CNTNAP5: variants seen among roughly 807,000 people sequenced by gnomAD.
The protein encoded by CNTNAP5 is contactin-associated protein-like 5.
A neutral mutation model predicts 150.2 loss-of-function variants in CNTNAP5; 72 were observed. The observed-to-expected ratio is 0.48, with a 90% CI of 0.40 to 0.58. The LOEUF is 0.58. CNTNAP5 is among the 20% of genes least tolerant of loss of function. The probability of loss-of-function intolerance (pLI) is 0.00; values close to 1 mark genes in which losing one functional copy is unlikely to be tolerated. For synonymous variants in CNTNAP5, 672 were observed against 619.8 expected (o/e 1.08, Z -1.25); for missense variants, 1,636 against 1,626.2 (o/e 1.01, Z -0.10).
chr2:124,911,202 G>C (rs1363037439), intron 22 of CNTNAP5, among the ~76,000 whole-genome samples: 2 of 151,886 alleles, frequency 1.3e-5, no homozygotes, highest in African/African-American at 4.8e-5. Context: ...ATGTGGACAG[G>C]ATACCACCAT....
chr2:124,706,790 A>AG (rs1453702125), intron 13 of CNTNAP5, among the ~76,000 whole-genome samples: 130 of 31,014 alleles, frequency 4.2e-3, no homozygotes, highest in Non-Finnish European at 6.3e-3. Context: ...AAGAAGAAGA[A>AG]GAAGAAGGAG....
At chr2:124,773,947 T>TGA (rs70999215) in intron 17 of CNTNAP5, among the ~76,000 whole-genome samples, 80 of 121,116 alleles carry the variant, frequency 6.6e-4, no homozygotes, top group Middle Eastern at 8.2e-3. Context: ...TGTGTGTGTG[T>TGA]GAGAGAGAGA....
intron 21 of CNTNAP5, among the ~76,000 whole-genome samples, chr2:124,883,934 G>A (rs2602652): frequency 0.83 from 126,809 of 152,070 alleles, 54,397 homozygotes; most frequent in African/African-American, 0.92. Flanking sequence ...ATGTATGTCT[G>A]TGCTTGCAAA....
rs554158654 is a variant in CNTNAP5 at position 124,601,340 on chromosome 2, C to T, written c.1757-8461C>T. ...GCAAGAGAAAGACAAAAGACACTAACGTGAGCATTTCTCACAAAATTCTTC... is the reference window on the plus strand; with the variant it reads ...GCAAGAGAAAGACAAAAGACACTAATGTGAGCATTTCTCACAAAATTCTTC... On this transcript the variant is annotated intron_variant, in intron 11 of 23. Coordinates refer to ENST00000682447, the MANE Select transcript of CNTNAP5 (RefSeq NM_001367498.1). Among the ~76,000 whole-genome samples the T allele has an allele frequency of 1.4e-4, 21 of 152,304 alleles. No individual in the cohort carries two copies. In the South Asian group the frequency reaches 3.1e-3, roughly 23 times the overall value.
At chr2:124,079,398 C>T (rs1432790304) in intron 1 of CNTNAP5, among the ~76,000 whole-genome samples, 1 of 152,164 alleles carries the variant, frequency 6.6e-6, no homozygotes, top group Non-Finnish European at 1.5e-5. Flanking sequence ...GCTGTTTGGG[C>T]ATAGCACAGT....
intron 1 of CNTNAP5, among the ~76,000 whole-genome samples, chr2:124,154,581 G>C (rs1057411853): frequency 6.6e-6 from 1 of 152,154 alleles, no homozygotes; most frequent in African/African-American, 2.4e-5. Context: ...TGGACAAAGA[G>C]ACCTCCACTG....
intron 6 of CNTNAP5, among the ~76,000 whole-genome samples, chr2:124,453,376 T>C (rs955547339): frequency 9.2e-5 from 14 of 152,320 alleles, no homozygotes; most frequent in Admixed American, 4.6e-4. Context: ...CCAGGATGTC[T>C]GGGATTATGT....
chr2:124,506,015 G>T (rs1243264662), intron 8 of CNTNAP5, among the ~76,000 whole-genome samples: 1 of 152,124 alleles, frequency 6.6e-6, no homozygotes, highest in African/African-American at 2.4e-5. Context: ...AAGTTAAATT[G>T]TAAAGGATAT....
At chr2:124,856,072 C>T in intron 19 of CNTNAP5, among the ~76,000 whole-genome samples, 1 of 136,562 alleles carries the variant, frequency 7.3e-6, no homozygotes, top group African/African-American at 3.1e-5. Flanking sequence ...AGTAATAGTC[C>T]ATGGTGTGTG....
intron 3 of CNTNAP5, among the ~76,000 whole-genome samples, chr2:124,396,290 T>C (rs572944967): frequency 6.6e-6 from 1 of 152,318 alleles, no homozygotes; most frequent in Non-Finnish European, 1.5e-5. Flanking sequence ...GCCTGAGTGT[T>C]CCTTAACACA....
intron 19 of CNTNAP5, among the ~76,000 whole-genome samples, chr2:124,822,057 C>A (rs1682502684): frequency 6.6e-6 from 1 of 152,134 alleles, no homozygotes; most frequent in Admixed American, 6.6e-5. Flanking sequence ...CCCCTAGTCT[C>A]TGCCACATTA....
intron 4 of CNTNAP5, among the ~76,000 whole-genome samples, chr2:124,432,807 C>T (rs186797112): frequency 1.2e-3 from 179 of 152,226 alleles, no homozygotes; most frequent in Non-Finnish European, 1.4e-3. Flanking sequence ...ATTGAAAAAG[C>T]ATCATTTGGG....
intron 7 of CNTNAP5, among the ~76,000 whole-genome samples, chr2:124,476,110 C>T (rs1375094796): frequency 6.6e-6 from 1 of 151,868 alleles, no homozygotes; most frequent in Non-Finnish European, 1.5e-5. Flanking sequence ...ATCATTTTAC[C>T]AATTTAGCTG....
chr2:124,539,842 T>C (rs115684327), intron 10 of CNTNAP5, among the ~76,000 whole-genome samples: 58 of 152,288 alleles, frequency 3.8e-4, no homozygotes, highest in African/African-American at 1.3e-3. Context: ...TTTAGACAAG[T>C]GATTAATGTT....
chr2:124,492,198 G>A lies in CNTNAP5; in HGVS notation c.1063-12094G>A, dbSNP rs1694047600. ...ATCCAAAATCATTGCCTAGACCAAT[G>A]TCAAGGATATATTCATCTATATTTT... is the stretch of plus-strand genomic sequence containing the variant. On this transcript the variant is annotated intron_variant, in intron 7 of 23. Coordinates refer to ENST00000682447, the MANE Select transcript of CNTNAP5 (RefSeq NM_001367498.1). 5.9e-5 allele frequency among the ~76,000 whole-genome samples: 9 copies of A among 152,096 alleles called. No homozygotes were observed. In the South Asian group the frequency reaches 1.9e-3, roughly 31 times the overall value.
chr2:124,469,746 C>G (rs1472074132), intron 6 of CNTNAP5, among the ~76,000 whole-genome samples: 1 of 152,068 alleles, frequency 6.6e-6, no homozygotes, highest in Non-Finnish European at 1.5e-5. Context: ...CTTCCACAGG[C>G]CCCACTGTGA....
intron 19 of CNTNAP5, among the ~76,000 whole-genome samples, chr2:124,809,238 T>C (rs527388822): frequency 6.6e-6 from 1 of 152,092 alleles, no homozygotes; most frequent in South Asian, 2.1e-4. Flanking sequence ...TTCACCAGCC[T>C]TCCAAGACAA....
At chr2:124,697,978 T>C (rs1679437848) in intron 13 of CNTNAP5, among the ~76,000 whole-genome samples, 2 of 152,224 alleles carry the variant, frequency 1.3e-5, no homozygotes, top group East Asian at 1.9e-4. Flanking sequence ...GATGGACTCA[T>C]AGAAAAGTAG....
At position 124,183,074 on chromosome 2, in the gene CNTNAP5, T is replaced by C. The variant is rs143672184; in HGVS notation, c.83-38631T>C. On this transcript the variant is annotated intron_variant, in intron 1 of 23. Transcript: ENST00000682447. ...TGTAATTTGTACCAACCCTTTATAT[T>C]TGGTGAAGATATCACTTTTATCAGG... Among the ~76,000 whole-genome samples, 633 of 152,318 alleles carry C rather than the reference T, an allele frequency of 4.2e-3. 6 individuals are homozygous for C. Among genetic ancestry groups the C allele is most frequent in the African/African-American group, 0.015 (612 of 41,584 alleles).
Sources: gnomAD v4.1 joint callset for allele counts (sites outside exome capture counted in the v4.1 genomes callset) on GRCh38, gnomAD v4.1.1 for gene constraint, MANE v1.5 for transcripts, NCBI Gene and HGNC (gene_info 2026-07-23, HGNC 2026-07-21) for gene names.